EIF4G3: variants seen among roughly 807,000 people sequenced by gnomAD.
EIF4G3 encodes eukaryotic translation initiation factor 4 gamma 3, also known as eIF-4-gamma 3.
EIF4G3 carries 34 observed loss-of-function variants against 186.4 expected under a neutral mutation model. That is an observed-to-expected ratio of 0.18 (90% CI 0.14 to 0.24). The LOEUF is 0.24. Ranked by LOEUF, EIF4G3 falls within the 10% of genes least tolerant of loss-of-function variation. The pLI, the probability that EIF4G3 is intolerant of heterozygous loss-of-function variation, is 1.00. For synonymous variants in EIF4G3, 673 were observed against 679.5 expected (o/e 0.99, Z 0.15); for missense variants, 1,536 against 1,948.5 (o/e 0.79, Z 3.99).
At chr1:20,849,394 T>G (rs781227815) in intron 29 of EIF4G3, 21 bp downstream of exon 29, 70 of 1,345,080 alleles carry the variant, frequency 5.2e-5, no homozygotes, top group East Asian at 3.4e-4. Context: ...GTGTGTGTGT[T>G]TTTTTTTTAA....
chr1:20,946,713 T>C (rs1391565049), intron 13 of EIF4G3, among the ~76,000 whole-genome samples: 1 of 152,152 alleles, frequency 6.6e-6, no homozygotes, highest in Non-Finnish European at 1.5e-5. Context: ...ATGAGGAAAC[T>C]GAGGGTTTTA....
Position 20,950,987 on chromosome 1 carries a change from T to G in EIF4G3, c.715-876A>C, listed in dbSNP as rs192277421. 2.6e-3 allele frequency among the ~76,000 whole-genome samples: 399 copies of G among 152,264 alleles called. 2 individuals are homozygous for G. Among genetic ancestry groups the G allele is most frequent in the Non-Finnish European group, 4.5e-3 (306 of 68,012 alleles). ...CTCTCCTCGGAGATCTAAGGTCAAT[T>G]TTTTTGGTATCTATAATATCCTACA... On this transcript the variant is annotated intron_variant, in intron 12 of 36. Transcript: ENST00000602326.
intron 34 of EIF4G3, among the ~76,000 whole-genome samples, chr1:20,813,537 C>T (rs1264649636): frequency 1.3e-5 from 2 of 151,444 alleles, no homozygotes; most frequent in African/African-American, 4.9e-5. Flanking sequence ...CCACTGCACT[C>T]CAGCATGGGT....
At chr1:21,057,757 A>G (rs1289914371) in intron 3 of EIF4G3, among the ~76,000 whole-genome samples, 1 of 152,218 alleles carries the variant, frequency 6.6e-6, no homozygotes, top group Non-Finnish European at 1.5e-5. Flanking sequence ...AATATCACTT[A>G]CATTGGTATT....
intron 4 of EIF4G3, among the ~76,000 whole-genome samples, chr1:21,025,145 C>T (rs2091873574): frequency 6.6e-6 from 1 of 152,088 alleles, no homozygotes; most frequent in Non-Finnish European, 1.5e-5. Context: ...TCTGCTGAAC[C>T]ATAAACACGT....
chr1:21,064,131 G>C (rs1400044918), intron 3 of EIF4G3, among the ~76,000 whole-genome samples: 2 of 152,158 alleles, frequency 1.3e-5, no homozygotes, highest in Non-Finnish European at 2.9e-5. Context: ...TATCCAGACT[G>C]TCTTATAAAA....
Position 20,827,663 on chromosome 1 carries a change from G to C in EIF4G3, c.4223C>G (p.Ala1408Gly). 1.2e-6 allele frequency: 2 copies of C among 1,612,608 alleles called. No individual in the cohort carries two copies. Among genetic ancestry groups the C allele is most frequent in the Non-Finnish European group, 1.7e-6 (2 of 1,178,872 alleles). The change falls in exon 32 of 37, where the codon GCT becomes GGT. Residue 1408 changes from alanine to glycine, a missense_variant. Ala to Gly is a moderately conservative substitution (Grantham distance 60). Around this residue, in one of 11 missense-constraint regions of EIF4G3, gnomAD observed 395 missense variants for 498.9 expected, o/e 0.79. Coordinates refer to ENST00000602326, the MANE Select transcript of EIF4G3 (RefSeq NM_001391906.1). ...CAATATTTCAGATAGCAAGACCCCA[G>C]CTCTTCCAACAGGAAGTAAAGGTTT... The part of the protein sequence containing the change: ...FSKPLLPVGR[A>G]GVLLSEILHL...
intron 14 of EIF4G3, among the ~76,000 whole-genome samples, chr1:20,939,496 C>T (rs1405553690): frequency 6.6e-6 from 1 of 152,140 alleles, no homozygotes; most frequent in Non-Finnish European, 1.5e-5. Flanking sequence ...CATCCCTGGG[C>T]ACTGTCTTGC....
intron 18 of EIF4G3, among the ~76,000 whole-genome samples, chr1:20,889,298 A>G (rs953813996): frequency 8.5e-5 from 13 of 152,208 alleles, no homozygotes; most frequent in Non-Finnish European, 1.3e-4. Context: ...TGTTCCTTTA[A>G]AGAAAGACTT....
chr1:21,167,050 G>A (rs888968469), intron 2 of EIF4G3, among the ~76,000 whole-genome samples: 3 of 152,058 alleles, frequency 2.0e-5, no homozygotes, highest in African/African-American at 7.2e-5. Flanking sequence ...CTGAAGTGCT[G>A]GGATTACAGG....
At chr1:20,861,031 T>C (rs1301852509) in intron 23 of EIF4G3, among the ~76,000 whole-genome samples, 1 of 152,230 alleles carries the variant, frequency 6.6e-6, no homozygotes, top group Non-Finnish European at 1.5e-5. Flanking sequence ...CAAAGGTCCA[T>C]ACCACTCTGC....
At chr1:20,813,945 CTGT>C (rs1557733562) in intron 34 of EIF4G3, among the ~76,000 whole-genome samples, 1 of 114,476 alleles carries the variant, frequency 8.7e-6, no homozygotes, top group Admixed American at 1.2e-4. Flanking sequence ...AGATGAGTCA[CTGT>C]TTTTTTTTTT....
chr1:20,984,559 TAC>T (rs61253859), intron 7 of EIF4G3, among the ~76,000 whole-genome samples: 71,572 of 141,452 alleles, frequency 0.51, 18,258 homozygotes, highest in East Asian at 0.7. Context: ...TATATATATA[TAC>T]ACACACACAC....
intron 18 of EIF4G3, chr1:20,892,799 C>A: frequency 9.6e-7 from 1 of 1,039,648 alleles, no homozygotes; most frequent in Non-Finnish European, 1.4e-6. Flanking sequence ...TTTTAGGACA[C>A]CTCAAAACAA....
chr1:21,021,228 C>T (rs1456172005), intron 4 of EIF4G3, among the ~76,000 whole-genome samples: 1 of 152,188 alleles, frequency 6.6e-6, no homozygotes, highest in Non-Finnish European at 1.5e-5. Context: ...AAGTGATCCG[C>T]CCACCTCAGC....
intron 3 of EIF4G3, among the ~76,000 whole-genome samples, chr1:21,082,183 A>T (rs1307668183): frequency 6.7e-6 from 1 of 148,596 alleles, no homozygotes; most frequent in African/African-American, 2.5e-5. Context: ...TGCATACCAG[A>T]TACAAAAAAG....
intron 20 of EIF4G3, among the ~76,000 whole-genome samples, chr1:20,875,949 T>C (rs1259414137): frequency 6.6e-6 from 1 of 151,840 alleles, no homozygotes; most frequent in African/African-American, 2.4e-5. Flanking sequence ...AGGCCAGGCA[T>C]GGTGGCTCAC....
chr1:21,109,504 AAAC>A (rs1251652447), intron 2 of EIF4G3, among the ~76,000 whole-genome samples: 4 of 152,212 alleles, frequency 2.6e-5, no homozygotes, highest in African/African-American at 4.8e-5. Context: ...AGTATAAAAG[AAAC>A]AACAACAAGA....
chr1:21,171,903 A>C (rs1231084253), intron 2 of EIF4G3, among the ~76,000 whole-genome samples: 2 of 152,158 alleles, frequency 1.3e-5, no homozygotes, highest in East Asian at 3.8e-4. Flanking sequence ...CTTCTATTTT[A>C]AGACTAGCAA....
Sources: gnomAD v4.1 joint callset for allele counts (sites outside exome capture counted in the v4.1 genomes callset) on GRCh38, gnomAD v4.1.1 for gene constraint, gnomAD v4.1.1 regional missense constraint, MANE v1.5 for transcripts, NCBI Gene and HGNC (gene_info 2026-07-23, HGNC 2026-07-21) for gene names.